Variants in ATXN2 observed in about 807,000 individuals in gnomAD.
The protein encoded by ATXN2 is ataxin-2.
A neutral mutation model predicts 138.6 loss-of-function variants in ATXN2; 37 were observed. That is an observed-to-expected ratio of 0.27 (90% CI 0.21 to 0.35). ATXN2 has a LOEUF of 0.35. Ranked by LOEUF, ATXN2 falls within the 10% of genes least tolerant of loss-of-function variation. The pLI is 1.00. For synonymous variants in ATXN2, 549 were observed against 543.7 expected (o/e 1.01, Z -0.13); for missense variants, 1,216 against 1,480.3 (o/e 0.82, Z 2.93).
chr12:111,539,779 AAAG>A (rs1192102904), intron 5 of ATXN2, among the ~76,000 whole-genome samples: 2 of 150,120 alleles, frequency 1.3e-5, no homozygotes, highest in African/African-American at 4.8e-5. Context: ...AAAAAAGAAA[AAAG>A]AAGAAAATGA....
At chr12:111,580,008 G>C (rs945603561) in intron 1 of ATXN2, among the ~76,000 whole-genome samples, 2 of 151,986 alleles carry the variant, frequency 1.3e-5, no homozygotes, top group Non-Finnish European at 1.5e-5. Flanking sequence ...CCAGAGATAA[G>C]GTCTTGCTGT....
rs1272773277 is a variant in ATXN2 at position 111,598,967 on chromosome 12, TGCTGCTGCTGTTGCTGCTGCTGCTGC to T, written c.42_67del (p.Gln15AlafsTer66). 65 of 1,503,322 alleles carry T rather than the reference TGCTGCTGCTGTTGCTGCTGCTGCTGC, an allele frequency of 4.3e-5. No homozygotes were observed. The highest frequency in any genetic ancestry group is 5.3e-5 in the East Asian group (2 of 37,526). The allele number at this position is 1,503,322 out of a possible 1,614,324, so 93.1% of individuals were successfully genotyped here. On this transcript the variant is annotated frameshift_variant, in exon 1 of 25. Coordinates refer to ENST00000673436, the MANE Select transcript of ATXN2 (RefSeq NM_001372574.1). LOFTEE classifies it high-confidence loss of function. The surrounding 1 kb of genome is among the most constrained non-coding windows in gnomAD (Gnocchi z 4.5). ...GGGCGGCGGCTGCTGCTGCTGCTGC[TGCTGCTGCTGTTGCTGCTGCTGCTGC>T]TGCTGCTGCTGCTGCTGCTGCTGCT...
chr12:111,510,415 A>G lies in ATXN2; in HGVS notation c.1726T>C (p.Ser576Pro). The change falls in exon 12 of 25, where the codon TCG becomes CCG. Residue 576 changes from serine (S) to proline (P), a missense_variant. Transcript: ENST00000673436. ...AASPTPASPA[S>P]NRAVTPSSEA... ...CTAGAAGGGGTAACAGCTCTGTTCG[A>G]TGCAGGACTAGCAGGCGTAGGAGAT... 1.2e-6 allele frequency: 2 copies of G among 1,614,144 alleles called. No individual in the cohort carries two copies. Among genetic ancestry groups the G allele is most frequent in the Non-Finnish European group, 1.7e-6 (2 of 1,180,026 alleles).
At chr12:111,467,896 A>G (rs1211369402) in intron 20 of ATXN2, among the ~76,000 whole-genome samples, 1 of 152,242 alleles carries the variant, frequency 6.6e-6, no homozygotes, top group East Asian at 1.9e-4. Flanking sequence ...CAGTGAATGA[A>G]CACAATGAGG....
chr12:111,562,300 G>A (rs2076560606), intron 1 of ATXN2, among the ~76,000 whole-genome samples: 1 of 152,010 alleles, frequency 6.6e-6, no homozygotes, highest in African/African-American at 2.4e-5. Flanking sequence ...CAGGTGTTAT[G>A]CAGGTGCCTG....
intron 1 of ATXN2, among the ~76,000 whole-genome samples, chr12:111,563,740 C>T (rs1882828151): frequency 6.6e-6 from 1 of 152,086 alleles, no homozygotes; most frequent in Non-Finnish European, 1.5e-5. Flanking sequence ...TAATTGGAGA[C>T]TATAAGTGAT....
intron 1 of ATXN2, among the ~76,000 whole-genome samples, chr12:111,588,582 A>T (rs1417383945): frequency 6.6e-6 from 1 of 151,780 alleles, no homozygotes; most frequent in Non-Finnish European, 1.5e-5. Context: ...AGATCGCACC[A>T]CTGCACTCCA....
intron 14 of ATXN2, among the ~76,000 whole-genome samples, chr12:111,507,121 A>G (rs1245962216): frequency 8.0e-5 from 11 of 138,252 alleles, no homozygotes; most frequent in South Asian, 4.7e-4. Flanking sequence ...CTGCCTGGCC[A>G]CCCATCGTCT....
chr12:111,586,448 C>T (rs1354353350), intron 1 of ATXN2, among the ~76,000 whole-genome samples: 9 of 148,118 alleles, frequency 6.1e-5, no homozygotes, highest in Non-Finnish European at 1.3e-4. Context: ...TGCAGTGGCC[C>T]GATCTCGGCT....
At chr12:111,581,475 G>C (rs1437454637) in intron 1 of ATXN2, 5 of 948,718 alleles carry the variant, frequency 5.3e-6, no homozygotes, top group Admixed American at 1.7e-5. Flanking sequence ...GCTGTGCTGG[G>C]GGCACCCCAC....
chr12:111,598,387 T>A lies in ATXN2; in HGVS notation c.251+397A>T. On this transcript the variant is annotated intron_variant, in intron 1 of 24. Coordinates refer to ENST00000673436, the MANE Select transcript of ATXN2 (RefSeq NM_001372574.1). This position sits in a 1 kb window ranked among gnomAD's most constrained non-coding sequence, Gnocchi z 4.5. The stretch of plus-strand genomic sequence containing the variant: ...CACAGCCTCCAGACCCCTCCAACGT[T>A]CACACCTAAACCGGGAGTGGAGGAG... 1.0e-6 allele frequency: 1 copy of A among 985,912 alleles called. No individual in the cohort carries two copies. Among genetic ancestry groups the A allele is most frequent in the Non-Finnish European group, 1.2e-6 (1 of 830,370 alleles). 61.1% of individuals were successfully genotyped at this position (985,912 alleles called of 1,614,324 possible). A position where few individuals can be genotyped will look rare whatever the true frequency, so the allele number is the denominator to read the frequency against.
intron 1 of ATXN2, among the ~76,000 whole-genome samples, chr12:111,591,695 C>T (rs563794992): frequency 1.9e-4 from 29 of 152,200 alleles, no homozygotes; most frequent in Non-Finnish European, 2.2e-4. Flanking sequence ...TTGCTTTGGG[C>T]AAGTCCCCTA....
At chr12:111,585,260 C>G (rs1884258954) in intron 1 of ATXN2, among the ~76,000 whole-genome samples, 1 of 152,162 alleles carries the variant, frequency 6.6e-6, no homozygotes, top group African/African-American at 2.4e-5. Flanking sequence ...CGCCTGTAAT[C>G]CCGGCACTTT....
Position 111,598,351 on chromosome 12 carries a change from GA to G in ATXN2, c.251+432del. On this transcript the variant is annotated intron_variant, in intron 1 of 24. Coordinates refer to ENST00000673436, the MANE Select transcript of ATXN2 (RefSeq NM_001372574.1). The surrounding 1 kb of genome is among the most constrained non-coding windows in gnomAD (Gnocchi z 4.5). ...CCCCCATGGAGGGGGACATGTTCCG[GA>G]AAACGCCACCACAGCCTCCAGACCC... The G allele has an allele frequency of 1.0e-6, 1 of 990,470 alleles. No individual in the cohort carries two copies. Among genetic ancestry groups the G allele is most frequent in the Non-Finnish European group, 1.2e-6 (1 of 832,792 alleles). The allele number at this position is 990,470 out of a possible 1,614,324, so 61.4% of individuals were successfully genotyped here. A position where few individuals can be genotyped will look rare whatever the true frequency, so the allele number is the denominator to read the frequency against.
At chr12:111,506,547 AATG>A (rs1879121704) in intron 14 of ATXN2, among the ~76,000 whole-genome samples, 1 of 152,120 alleles carries the variant, frequency 6.6e-6, no homozygotes, top group Non-Finnish European at 1.5e-5. Context: ...GAGGAGACTG[AATG>A]ATGTTAAAAA....
intron 5 of ATXN2, among the ~76,000 whole-genome samples, chr12:111,531,391 C>T (rs1341170203): frequency 6.6e-6 from 1 of 152,152 alleles, no homozygotes; most frequent in Admixed American, 6.5e-5. Flanking sequence ...AAGATTGCGC[C>T]ACTGCACTCC....
chr12:111,599,670 C>T (rs1284921841), upstream of ATXN2: 9 of 1,050,226 alleles, frequency 8.6e-6, no homozygotes, highest in East Asian at 5.4e-5. Context: ...GTTGCTTTCT[C>T]GGGGGTCGGG....
chr12:111,483,188 A>AACACACACAC (rs746562037), intron 18 of ATXN2, among the ~76,000 whole-genome samples: 32 of 119,006 alleles, frequency 2.7e-4, no homozygotes, highest in Non-Finnish European at 3.8e-4. Context: ...CCCTGTATCA[A>AACACACACAC]ACACATACAC....
At chr12:111,570,634 C>T (rs1325915399) in intron 1 of ATXN2, among the ~76,000 whole-genome samples, 1 of 152,098 alleles carries the variant, frequency 6.6e-6, no homozygotes, top group Non-Finnish European at 1.5e-5. Flanking sequence ...TCTTCATGGC[C>T]TTACTGAAAA....
Sources: gnomAD v4.1 joint callset for allele counts (sites outside exome capture counted in the v4.1 genomes callset) on GRCh38, gnomAD v4.1.1 for gene constraint, Gnocchi (gnomAD v3.1) non-coding constraint, MANE v1.5 for transcripts, NCBI Gene and HGNC (gene_info 2026-07-23, HGNC 2026-07-21) for gene names.